C2: variants seen among roughly 807,000 people sequenced by gnomAD.
C2 encodes C3/C5 convertase.
C2 carries 64 observed loss-of-function variants against 85.2 expected under a neutral mutation model. The ratio of observed to expected loss-of-function variants is 0.75; its 90% CI spans 0.61 to 0.92. C2 has a LOEUF of 0.92. C2 is among the 40% of genes least tolerant of loss of function. The probability of loss-of-function intolerance (pLI) is 0.00; values close to 1 mark genes in which losing one functional copy is unlikely to be tolerated. For synonymous variants in C2, 311 were observed against 370.8 expected, an observed-to-expected ratio of 0.84 and a Z score of 1.85; for missense variants, 820 against 971.6, an observed-to-expected ratio of 0.84 and a Z score of 2.07.
At chr6:31,914,036 C>T (rs1242282059) in intron 1 of C2, among the ~76,000 whole-genome samples, 1 of 151,940 alleles carries the variant, frequency 6.6e-6, no homozygotes, top group Non-Finnish European at 1.5e-5. Context: ...ATTGTCCTGC[C>T]TCAGCCTCCC....
intron 3 of C2, chr6:31,932,350 C>G (rs1057187886): frequency 6.1e-5 from 13 of 213,996 alleles, no homozygotes; most frequent in Non-Finnish European, 1.1e-4. Flanking sequence ...GGGCTCCTCA[C>G]TTCTCAGACA....
In C2 at chr6:31,944,834, G is replaced by A; in HGVS notation, c.2010G>A (p.Glu670=). The A allele has an allele frequency of 1.2e-6, 2 of 1,613,062 alleles. No homozygotes were observed. The highest frequency in any genetic ancestry group is 1.7e-6 in the Non-Finnish European group (2 of 1,180,014). ...TDQFLCSGTQ[E]DESPCKGESG... ...AGTTCCTATGCAGTGGGACCCAGGA[G>A]GATGAGAGTCCCTGCAAGGGTGAGT... Residue 670 remains glutamate, a synonymous_variant, in exon 16 of 18, where the codon GAG becomes GAA. Transcript: ENST00000299367. This position sits in a 1 kb window ranked among gnomAD's most constrained non-coding sequence, Gnocchi z 5.1.
intron 1 of C2, among the ~76,000 whole-genome samples, chr6:31,911,151 T>C (rs2151711068): frequency 1.3e-5 from 2 of 151,404 alleles, no homozygotes; most frequent in East Asian, 3.9e-4. Context: ...ATACGAAAAT[T>C]AGCCAGACGT....
chr6:31,922,028 C>T lies in C2; in HGVS notation c.-100+2002C>T, dbSNP rs1769010571. Among the ~76,000 whole-genome samples, 1 of 151,926 alleles carries T rather than the reference C, an allele frequency of 6.6e-6. No homozygotes were observed. Among genetic ancestry groups the T allele is most frequent in the Non-Finnish European group, 1.5e-5 (1 of 67,984 alleles). On this transcript the variant is annotated intron_variant, in intron 1 of 3. Transcript: ENST00000413154. The surrounding 1 kb of genome is among the most constrained non-coding windows in gnomAD (Gnocchi z 4.8). ...ATCCCATGGTCCAGGGTGAGGGAGC[C>T]CAGTATTTATACCAATCAGTCATTG...
chr6:31,902,331 C>T (rs1015566365), intron 1 of C2, among the ~76,000 whole-genome samples: 3 of 151,900 alleles, frequency 2.0e-5, no homozygotes, highest in East Asian at 1.9e-4. Context: ...CTCGGGCCCG[C>T]CCCCCAATCC....
At chr6:31,915,228 C>T (rs553228781), upstream of C2, among the ~76,000 whole-genome samples, 143 of 152,312 alleles carry the variant, frequency 9.4e-4, 1 homozygote, top group Admixed American at 3.4e-3. Context: ...GCTGTAAATG[C>T]TGTTTCTTCC....
chr6:31,939,420 A>G, intron 9 of C2, 100 bp downstream of exon 9: 4 of 955,858 alleles, frequency 4.2e-6, no homozygotes, highest in Admixed American at 1.8e-5. Context: ...CCAGAGCCAC[A>G]TGGTTTTATT....
At chr6:31,900,676 G>C, upstream of C2, 1 of 1,612,216 alleles carries the variant, frequency 6.2e-7, no homozygotes, top group South Asian at 1.1e-5. This position sits in a 1 kb window ranked among gnomAD's most constrained non-coding sequence, Gnocchi z 9.7. Context: ...CCACCTTGAC[G>C]ATGCAGATGT....
Position 31,904,296 on chromosome 6 carries a change from ATTTT to A in C2, c.73+3158_73+3161del, listed in dbSNP as rs1767572598. 6.6e-6 allele frequency among the ~76,000 whole-genome samples: 1 copy of A among 151,882 alleles called. No individual in the cohort carries two copies. Among genetic ancestry groups the A allele is most frequent in the Non-Finnish European group, 1.5e-5 (1 of 67,984 alleles). ...AACGGACTATGAAATTTTCAAAAGAATTTTATTTTATTTTAATTAATTAATTAAT... is the reference window on the plus strand; with the variant it reads ...AACGGACTATGAAATTTTCAAAAGAAATTTTATTTTAATTAATTAATTAAT... On this transcript the variant is annotated intron_variant, in intron 1 of 3. Coordinates refer to the C2 transcript ENST00000452202. This position sits in a 1 kb window ranked among gnomAD's most constrained non-coding sequence, Gnocchi z 4.4.
At chr6:31,929,350 T>C (rs1769533092) in intron 3 of C2, among the ~76,000 whole-genome samples, 1 of 152,202 alleles carries the variant, frequency 6.6e-6, no homozygotes, top group Non-Finnish European at 1.5e-5. Context: ...GCCCTCAGTT[T>C]TCCCATCTGT....
In C2 at chr6:31,945,034, G is replaced by A; in HGVS notation, c.2079+5G>A. 6.2e-7 allele frequency: 1 copy of A among 1,612,942 alleles called. No homozygotes were observed. The highest frequency in any genetic ancestry group is 2.2e-5 in the East Asian group (1 of 44,886). On this transcript the variant is annotated splice_donor_5th_base_variant and intron_variant, in intron 17 of 17. Coordinates refer to ENST00000299367, the MANE Select transcript of C2 (RefSeq NM_000063.6). This position sits in a 1 kb window ranked among gnomAD's most constrained non-coding sequence, Gnocchi z 5.3. Reference sequence around the variant, plus strand: ...CGGAGATTCAGGTTTTTTCAGGTGAGAAGGTAGAAGCTTGCAGGACCCAGG... The same window carrying A: ...CGGAGATTCAGGTTTTTTCAGGTGAAAAGGTAGAAGCTTGCAGGACCCAGG...
chr6:31,930,361 C>T (rs1006915146), intron 3 of C2, among the ~76,000 whole-genome samples: 1 of 152,248 alleles, frequency 6.6e-6, no homozygotes, highest in Non-Finnish European at 1.5e-5. Flanking sequence ...GGATTACAGG[C>T]GTGAGCCACG....
intron 1 of C2, among the ~76,000 whole-genome samples, chr6:31,905,448 A>C (rs1347499527): frequency 6.6e-6 from 1 of 150,516 alleles, no homozygotes; most frequent in Non-Finnish European, 1.5e-5. Context: ...TTAAAAAAAA[A>C]ATTAGGATTC....
rs1385151667 is a variant in C2, at chr6:31,943,633, A to G, written c.1568-11A>G. 3 of 1,612,992 alleles carry G rather than the reference A, an allele frequency of 1.9e-6. No homozygotes were observed. The highest frequency in any genetic ancestry group is 1.1e-5 in the South Asian group (1 of 91,090). Reference sequence around the variant, plus strand: ...GCCCTGGTCTAGCCTAATCTAGTGTATCATTTCCAGGAGACCCCAAATCCC... The same window carrying G: ...GCCCTGGTCTAGCCTAATCTAGTGTGTCATTTCCAGGAGACCCCAAATCCC... On this transcript the variant is annotated splice_polypyrimidine_tract_variant and intron_variant, in intron 12 of 17. Transcript: ENST00000299367. The surrounding 1 kb of genome is among the most constrained non-coding windows in gnomAD (Gnocchi z 6.4).
rs181297764 is a variant in C2 at position 31,928,502 on chromosome 6, G to C, written c.257-230G>C. ...TCTGGGGAGGCCACGGCCCTCAGGA[G>C]ACTGAGGGAAGTGGCTATTTATCAA... On this transcript the variant is annotated intron_variant, in intron 2 of 17. Coordinates refer to ENST00000299367, the MANE Select transcript of C2 (RefSeq NM_000063.6). 4.0e-3 allele frequency among the ~76,000 whole-genome samples: 610 copies of C among 152,280 alleles called. 5 individuals are homozygous for C. The highest frequency in any genetic ancestry group is 0.037 in the Middle Eastern group (11 of 294).
At position 31,934,223 on chromosome 6, in the gene C2, T is replaced by C. The variant is rs1770207105; in HGVS notation, c.773T>C (p.Leu258Pro). 1 of 1,614,216 alleles carries C rather than the reference T, an allele frequency of 6.2e-7. No individual in the cohort carries two copies. The highest frequency in any genetic ancestry group is 8.5e-7 in the Non-Finnish European group (1 of 1,180,034). Reference sequence around the variant, plus strand: ...TCTGGTCATCTGAACCTCTACCTGCTCCTGGACTGTTCGCAGAGTGTGTCG... The same window carrying C: ...TCTGGTCATCTGAACCTCTACCTGCCCCTGGACTGTTCGCAGAGTGTGTCG... The part of the protein sequence containing the change: ...QRSGHLNLYL[L>P]LDCSQSVSEN... The change falls in exon 6 of 18, where the codon CTC (leucine) becomes CCC (proline). Residue 258 changes from leucine to proline, a missense_variant. Leu to Pro is a moderately conservative substitution (Grantham distance 98). Transcript: ENST00000299367.
upstream of C2, among the ~76,000 whole-genome samples, chr6:31,916,749 C>A (rs1197596310): frequency 1.4e-5 from 1 of 73,620 alleles, no homozygotes; most frequent in Non-Finnish European, 2.4e-5. Context: ...AGTTCTCTGC[C>A]CTTTTTTTTT....
chr6:31,938,943 A>G (rs1770659526), intron 8 of C2, among the ~76,000 whole-genome samples: 1 of 151,992 alleles, frequency 6.6e-6, no homozygotes, highest in Non-Finnish European at 1.5e-5. Flanking sequence ...ATGAGCCACC[A>G]TGCCCGGCCA....
intron 1 of C2, among the ~76,000 whole-genome samples, chr6:31,908,699 T>G (rs1767895292): frequency 6.6e-6 from 1 of 151,548 alleles, no homozygotes; most frequent in African/African-American, 2.4e-5. Flanking sequence ...ATCCCAACCT[T>G]CAGCAACCAC....
Sources: allele counts gnomAD v4.1 joint callset (sites outside exome capture counted in the v4.1 genomes callset), GRCh38; gene constraint gnomAD v4.1.1; non-coding constraint Gnocchi (gnomAD v3.1); transcripts MANE v1.5; gene names NCBI Gene and HGNC (gene_info 2026-07-23, HGNC 2026-07-21).